TPT1: variants seen among roughly 807,000 people sequenced by gnomAD.
TPT1 encodes translationally-controlled tumor protein.
Under a neutral mutation model 22.8 loss-of-function variants are expected in TPT1, and 5 were observed. The observed-to-expected ratio is 0.22, with a 90% CI of 0.11 to 0.46. TPT1 has a LOEUF of 0.46. Ranked by LOEUF, TPT1 falls within the 20% of genes least tolerant of loss-of-function variation. The pLI is 0.99. For synonymous variants in TPT1, 89 were observed against 73.6 expected (o/e 1.21, Z -1.07); for missense variants, 130 against 218.7 (o/e 0.59, Z 2.56).
rs11552478 is a variant in TPT1 at position 45,341,160 on chromosome 13, G to C, written c.-91C>G. ...CGGTGCAGCCGGAGCGGCGCTCGGG[G>C]GGAGGGGGGAGCGGGCGGAAAAGGC... is the stretch of plus-strand genomic sequence containing the variant. On this transcript the variant is annotated 5_prime_UTR_variant, in exon 1 of 6. Transcript: ENST00000530705. The C allele has an allele frequency of 1.7e-5, 27 of 1,558,710 alleles. No individual in the cohort carries two copies. Among genetic ancestry groups the C allele is most frequent in the African/African-American group, 6.8e-5 (5 of 73,358 alleles).
chr13:45,340,418 C>T (rs1210194735), intron 2 of TPT1: 2 of 751,698 alleles, frequency 2.7e-6, no homozygotes, highest in East Asian at 2.7e-5. Flanking sequence ...CAGTTGCGGG[C>T]ATGTGATGCC....
chr13:45,334,363 CCT>C lies in TPT1; in HGVS notation c.*3021_*3022del, dbSNP rs1221588572. Reference sequence around the variant, plus strand: ...AATCTCATGTTGGAATGCAGTCTATCCTCTCTCCAAATGACCTTATCCTGTAT... The same window carrying C: ...AATCTCATGTTGGAATGCAGTCTATCCTCTCCAAATGACCTTATCCTGTAT... On this transcript the variant is annotated 3_prime_UTR_variant, in exon 6 of 6. Coordinates refer to ENST00000530705, the MANE Select transcript of TPT1 (RefSeq NM_003295.4). The C allele has an allele frequency of 6.6e-6, 1 of 152,176 alleles. No individual in the cohort carries two copies. The highest frequency in any genetic ancestry group is 2.4e-5 in the African/African-American group (1 of 41,440). The allele number at this position is 152,176 out of a possible 1,614,324, so 9.4% of individuals were successfully genotyped here.
At position 45,341,149 on chromosome 13, in the gene TPT1, C is replaced by A; in HGVS notation, c.-80G>T. 1.3e-6 allele frequency: 2 copies of A among 1,580,690 alleles called. No homozygotes were observed. Among genetic ancestry groups the A allele is most frequent in the East Asian group, 2.3e-5 (1 of 42,874 alleles). ...CGGAGCGAGCGCGGTGCAGCCGGAG[C>A]GGCGCTCGGGGGGAGGGGGGAGCGG... is the stretch of plus-strand genomic sequence containing the variant. On this transcript the variant is annotated 5_prime_UTR_variant, in exon 1 of 6. Transcript: ENST00000530705.
At position 45,340,994 on chromosome 13, in the gene TPT1, C is replaced by A. The variant is rs746123883; in HGVS notation, c.28+48G>T. On this transcript the variant is annotated intron_variant, in intron 1 of 5. Coordinates refer to ENST00000530705, the MANE Select transcript of TPT1 (RefSeq NM_003295.4). ...TGCGCCTTCCCCGCCCCCACCCGCA[C>A]CCCAGACCCCCGTGTGCGGCAGTAA... The A allele has an allele frequency of 1.9e-6, 3 of 1,594,230 alleles. No individual in the cohort carries two copies. In the Admixed American group the frequency reaches 5.2e-5, roughly 28 times the overall value.
chr13:45,340,254 T>C (rs1878999568), intron 2 of TPT1, 70 bp from the exon 3 acceptor site: 2 of 1,520,438 alleles, frequency 1.3e-6, no homozygotes, highest in East Asian at 2.3e-5. Context: ...ACGCCAATAG[T>C]TCACGGATAA....
chr13:45,337,660 G>T, intron 5 of TPT1: 2 of 1,162,076 alleles, frequency 1.7e-6, no homozygotes, highest in Non-Finnish European at 2.5e-6. Context: ...GCTGTGGCAT[G>T]TACCACCCAC....
chr13:45,337,562 A>C (rs1878786981), intron 5 of TPT1, 174 bp from the exon 6 acceptor site: 1 of 1,609,874 alleles, frequency 6.2e-7, no homozygotes, highest in African/African-American at 1.3e-5. Context: ...TCCTAGTGCA[A>C]ACCAAAAGAA....
At chr13:45,340,618 G>T in intron 2 of TPT1, 94 bp downstream of exon 2, 1 of 1,389,166 alleles carries the variant, frequency 7.2e-7, no homozygotes, top group Non-Finnish European at 1.0e-6. Context: ...GCCAGGAGGC[G>T]GCGGGGAGGA....
chr13:45,338,844 T>C, intron 4 of TPT1, 68 bp from the exon 5 acceptor site: 3 of 1,337,118 alleles, frequency 2.2e-6, no homozygotes, highest in Non-Finnish European at 3.1e-6. Flanking sequence ...CAAAACAAAC[T>C]ACAGTACAAG....
At position 45,334,843 on chromosome 13, in the gene TPT1, T is replaced by C. The variant is rs1220341457; in HGVS notation, c.*2543A>G. The C allele has an allele frequency of 2.0e-5, 3 of 152,222 alleles. No homozygotes were observed. The highest frequency in any genetic ancestry group is 4.4e-5 in the Non-Finnish European group (3 of 68,054). 9.4% of individuals were successfully genotyped at this position (152,222 alleles called of 1,614,324 possible). On this transcript the variant is annotated 3_prime_UTR_variant, in exon 6 of 6. Coordinates refer to ENST00000530705, the MANE Select transcript of TPT1 (RefSeq NM_003295.4). ...CACTGCTTTACAACCCTTCCTGTCT[T>C]CTTGGGTTAGCAAAGTGGCCACTTT...
rs1878953596 is a variant in TPT1, at chr13:45,339,720, A to T, written c.294-118T>A. 3 of 878,750 alleles carry T rather than the reference A, an allele frequency of 3.4e-6. No individual in the cohort carries two copies. The East Asian group carries it at 7.9e-5, about 23-fold the overall frequency. 54.4% of individuals were successfully genotyped at this position (878,750 alleles called of 1,614,324 possible). ...CACTGAAAAAGGCAACCAGCTGTTA[A>T]GAAATTACTAGTTCACAGAAGGTAT... is the stretch of plus-strand genomic sequence containing the variant. On this transcript the variant is annotated intron_variant, in intron 3 of 5. Transcript: ENST00000530705.
rs1878974967 is a variant in TPT1, at chr13:45,340,001, T to C, written c.286A>G (p.Met96Val). The part of the protein sequence containing the change: ...EAYKKYIKDY[M>V]KSIKGKLEEQ... ...ACTGCCAGTATCACTTACGATTTCATGTAATCTTTGATGTACTTCTTGTAG... is the reference window on the plus strand; with the variant it reads ...ACTGCCAGTATCACTTACGATTTCACGTAATCTTTGATGTACTTCTTGTAG... Residue 96 changes from methionine (M) to valine (V), a missense_variant, in exon 3 of 6, where the codon ATG (methionine) becomes GTG (valine). Coordinates refer to ENST00000530705, the MANE Select transcript of TPT1 (RefSeq NM_003295.4). 2 of 1,614,126 alleles carry C rather than the reference T, an allele frequency of 1.2e-6. No individual in the cohort carries two copies. The highest frequency in any genetic ancestry group is 1.7e-6 in the Non-Finnish European group (2 of 1,179,972).
intron 2 of TPT1, chr13:45,340,471 AGGCTCCTAAGCCG>A (rs1331635268): frequency 1.4e-6 from 1 of 738,456 alleles, no homozygotes; most frequent in East Asian, 2.7e-5. Context: ...AAAGGACTCC[AGGCTCCTAAGCCG>A]GAAGCATCAT....
intron 5 of TPT1, chr13:45,338,444 C>A: frequency 1.1e-6 from 1 of 922,922 alleles, no homozygotes; most frequent in Non-Finnish European, 1.6e-6. Context: ...TATGCCCCAT[C>A]TGCACTCAAC....
At chr13:45,340,986 C>G (rs2234215) in intron 1 of TPT1, 56 bp downstream of exon 1, 3 of 1,583,142 alleles carry the variant, frequency 1.9e-6, no homozygotes, top group South Asian at 1.1e-5. Context: ...TCCCCGCCCC[C>G]ACCCGCACCC....
chr13:45,340,497 C>T (rs760702201), intron 2 of TPT1: 6 of 754,608 alleles, frequency 8.0e-6, no homozygotes, highest in South Asian at 4.4e-5. Flanking sequence ...AGCATCATGT[C>T]CCGGACAACC....
intron 3 of TPT1, 43 bp from the exon 4 acceptor site, chr13:45,339,645 A>G (rs1462721765): frequency 2.0e-6 from 3 of 1,511,184 alleles, no homozygotes; most frequent in Non-Finnish European, 1.8e-6. Flanking sequence ...TTGAATTTTC[A>G]GTAAAATCAA....
intron 1 of TPT1, 61 bp downstream of exon 1, chr13:45,340,981 G>A: frequency 6.8e-7 from 1 of 1,472,502 alleles, no homozygotes. Flanking sequence ...CGCCTTCCCC[G>A]CCCCCACCCG....
rs1263221767 is a variant in TPT1 at position 45,336,044 on chromosome 13, C to T, written c.*1342G>A. On this transcript the variant is annotated 3_prime_UTR_variant, in exon 6 of 6. Coordinates refer to ENST00000530705, the MANE Select transcript of TPT1 (RefSeq NM_003295.4). ...AAACTCACGTTTTGAAAATTCCCCT[C>T]CCAGGCTAGGCCTGCACTTTGGGAG... 1 of 152,222 alleles carries T rather than the reference C, an allele frequency of 6.6e-6. No individual in the cohort carries two copies. The highest frequency in any genetic ancestry group is 6.5e-5 in the Admixed American group (1 of 15,278). The allele number at this position is 152,222 out of a possible 1,614,324, so 9.4% of individuals were successfully genotyped here. A position where few individuals can be genotyped will look rare whatever the true frequency, so the allele number is the denominator to read the frequency against.
Sources: gnomAD v4.1 joint callset for allele counts on GRCh38, gnomAD v4.1.1 for gene constraint, MANE v1.5 for transcripts, NCBI Gene and HGNC (gene_info 2026-07-23, HGNC 2026-07-21) for gene names.